The following UROS variants were observed in gnomAD, a reference collection of about 807,000 sequenced individuals.
UROS encodes the protein uroporphyrinogen III synthase.
Under a neutral mutation model 33.0 loss-of-function variants are expected in UROS, and 18 were observed. That is an observed-to-expected ratio of 0.55 (90% CI 0.38 to 0.81). UROS has a LOEUF of 0.81. Among genes scored for constraint, UROS ranks in the 30% least tolerant of loss-of-function variants. UROS has a pLI of 0.00. For missense variants in UROS, 293 were observed against 314.9 expected, an observed-to-expected ratio of 0.93 and a Z score of 0.53; for synonymous variants, 114 against 121.1, an observed-to-expected ratio of 0.94 and a Z score of 0.38.
At chr10:125,809,555 G>A (rs1852618662) in intron 5 of UROS, among the ~76,000 whole-genome samples, 1 of 152,090 alleles carries the variant, frequency 6.6e-6, no homozygotes. Context: ...ACATACAGCA[G>A]GTCCTTGAAT....
intron 1 of UROS, among the ~76,000 whole-genome samples, chr10:125,822,199 G>C (rs538602781): frequency 1.2e-4 from 18 of 152,278 alleles, no homozygotes; most frequent in African/African-American, 3.9e-4. Flanking sequence ...GCTGCCCCAG[G>C]CTGCATCCCC....
At chr10:125,804,257 G>A (rs958356064) in intron 6 of UROS, among the ~76,000 whole-genome samples, 11 of 152,082 alleles carry the variant, frequency 7.2e-5, no homozygotes, top group Non-Finnish European at 1.5e-4. Context: ...CCTACATAAT[G>A]GAACCTCCAT....
intron 3 of UROS, among the ~76,000 whole-genome samples, chr10:125,815,867 G>A (rs907625540): frequency 6.6e-6 from 1 of 152,170 alleles, no homozygotes; most frequent in Non-Finnish European, 1.5e-5. Context: ...TGGGGGTGAG[G>A]GGTAGATTAA....
At chr10:125,794,665 G>A (rs1224685721) in intron 9 of UROS, among the ~76,000 whole-genome samples, 1 of 152,096 alleles carries the variant, frequency 6.6e-6, no homozygotes, top group East Asian at 1.9e-4. Flanking sequence ...GCCACAGAGA[G>A]ACAATTATCC....
chr10:125,796,984 A>G (rs1851421055), intron 7 of UROS: 4 of 418,120 alleles, frequency 9.6e-6, no homozygotes, highest in African/African-American at 2.2e-5. Context: ...CCTCTGATTT[A>G]TATATTATTT....
intron 6 of UROS, among the ~76,000 whole-genome samples, chr10:125,803,631 C>A (rs1296960585): frequency 1.3e-5 from 2 of 152,230 alleles, no homozygotes; most frequent in Non-Finnish European, 2.9e-5. Context: ...TAAGAGGGAG[C>A]AGGCAGTGTT....
At chr10:125,818,253 CAGG>C (rs1430745621) in intron 1 of UROS, among the ~76,000 whole-genome samples, 3 of 152,086 alleles carry the variant, frequency 2.0e-5, no homozygotes, top group Non-Finnish European at 2.9e-5. Context: ...CAGGCTGAGG[CAGG>C]AGGATTGCTT....
intron 6 of UROS, among the ~76,000 whole-genome samples, chr10:125,803,430 G>A (rs1177192618): frequency 6.6e-6 from 1 of 152,236 alleles, no homozygotes; most frequent in Non-Finnish European, 1.5e-5. Context: ...CTCCTTCAAG[G>A]CAAGACCTGC....
chr10:125,813,530 G>A (rs756522288), intron 4 of UROS, among the ~76,000 whole-genome samples: 2 of 152,170 alleles, frequency 1.3e-5, no homozygotes, highest in African/African-American at 2.4e-5. Flanking sequence ...CCCATCTAGC[G>A]TATAATGGCA....
At chr10:125,804,599 T>C (rs566574262) in intron 6 of UROS, among the ~76,000 whole-genome samples, 111 of 152,352 alleles carry the variant, frequency 7.3e-4, no homozygotes, top group African/African-American at 2.5e-3. Context: ...TTGCTAAGAC[T>C]GAGCCCTTAA....
intron 1 of UROS, among the ~76,000 whole-genome samples, chr10:125,817,688 T>G (rs940143157): frequency 6.6e-6 from 1 of 152,058 alleles, no homozygotes; most frequent in Non-Finnish European, 1.5e-5. Flanking sequence ...ATGCATTAAG[T>G]CCACCTACGA....
At chr10:125,822,250 A>C (rs923178334) in intron 1 of UROS, among the ~76,000 whole-genome samples, 1 of 151,738 alleles carries the variant, frequency 6.6e-6, no homozygotes, top group African/African-American at 2.4e-5. Flanking sequence ...AGTTGGCCGC[A>C]GTCCCCTCCA....
Position 125,802,425 on chromosome 10 carries a change from G to C in UROS, c.395-4280C>G, listed in dbSNP as rs1043611606. ...AAAGAAAATGACCCCCAGCAATCCA[G>C]TCTGGAACATTCCACAGAAAGCAAC... On this transcript the variant is annotated intron_variant, in intron 6 of 9. Coordinates refer to ENST00000368797, the MANE Select transcript of UROS (RefSeq NM_000375.3). 1.2e-5 allele frequency: 12 copies of C among 986,308 alleles called. No individual in the cohort carries two copies. The African/African-American group carries it at 1.9e-4, about 16-fold the overall frequency. The allele number at this position is 986,308 out of a possible 1,614,324, so 61.1% of individuals were successfully genotyped here. A position where few individuals can be genotyped will look rare whatever the true frequency, so the allele number is the denominator to read the frequency against.
At chr10:125,818,106 ATCCTTT>A (rs1301103769) in intron 1 of UROS, among the ~76,000 whole-genome samples, 2 of 152,190 alleles carry the variant, frequency 1.3e-5, no homozygotes, top group African/African-American at 4.8e-5. Context: ...TACTACCCTT[ATCCTTT>A]ATCTGACGTC....
chr10:125,815,206 A>T lies in UROS; in HGVS notation c.148-76T>A. On this transcript the variant is annotated intron_variant, in intron 3 of 9. Transcript: ENST00000368797. The stretch of plus-strand genomic sequence containing the variant: ...ATCTTCCAAGGAGCTAAGACTCAGA[A>T]TTCCAAATGCTTCACAATAGTAGTA... The T allele has an allele frequency of 2.0e-6, 3 of 1,516,224 alleles. No individual in the cohort carries two copies. The South Asian group carries it at 3.5e-5, about 18-fold the overall frequency. 93.9% of individuals were successfully genotyped at this position (1,516,224 alleles called of 1,614,324 possible). A position where few individuals can be genotyped will look rare whatever the true frequency, so the allele number is the denominator to read the frequency against.
intron 1 of UROS, among the ~76,000 whole-genome samples, chr10:125,817,873 AAT>A (rs984131093): frequency 2.5e-4 from 38 of 152,332 alleles, no homozygotes; most frequent in African/African-American, 8.7e-4. Flanking sequence ...GTTTGGGAAA[AAT>A]AGAGGTATAA....
intron 6 of UROS, among the ~76,000 whole-genome samples, chr10:125,800,593 A>C (rs1302092962): frequency 7.2e-6 from 1 of 138,050 alleles, no homozygotes; most frequent in Non-Finnish European, 1.5e-5. Flanking sequence ...ACGGAGTCTC[A>C]CTCTTTCACC....
chr10:125,791,431 C>T (rs918631563), intron 9 of UROS: 1 of 151,990 alleles, frequency 6.6e-6, no homozygotes, highest in Non-Finnish European at 1.5e-5. Flanking sequence ...AGCAGTAATT[C>T]GACCGAACGT....
intron 9 of UROS, among the ~76,000 whole-genome samples, chr10:125,790,578 G>A (rs1850850251): frequency 6.6e-6 from 1 of 152,148 alleles, no homozygotes; most frequent in South Asian, 2.1e-4. Flanking sequence ...GGAGGCCGAG[G>A]TGGGCAGATC....
Sources: gnomAD v4.1 joint callset for allele counts (sites outside exome capture counted in the v4.1 genomes callset) on GRCh38, gnomAD v4.1.1 for gene constraint, MANE v1.5 for transcripts, NCBI Gene and HGNC (gene_info 2026-07-23, HGNC 2026-07-21) for gene names.